CADPS2: variants seen among roughly 807,000 people sequenced by gnomAD.
The protein encoded by CADPS2 is calcium-dependent secretion activator 2.
Under a neutral mutation model 172.5 loss-of-function variants are expected in CADPS2, and 93 were observed. The ratio of observed to expected loss-of-function variants is 0.54; its 90% confidence interval spans 0.46 to 0.64. The LOEUF (loss-of-function observed/expected upper bound fraction) is 0.64, where lower values mean the gene tolerates loss of function less well. CADPS2 is among the 30% of genes least tolerant of loss of function. CADPS2 has a pLI of 0.00. For missense variants in CADPS2, 1,420 were observed against 1,565.9 expected (o/e 0.91, Z 1.57); for synonymous variants, 546 against 555.2 (o/e 0.98, Z 0.23).
At chr7:122,713,568 T>C (rs2089115264) in intron 2 of CADPS2, among the ~76,000 whole-genome samples, 1 of 152,032 alleles carries the variant, frequency 6.6e-6, no homozygotes, top group Non-Finnish European at 1.5e-5. Flanking sequence ...CCATGATCTG[T>C]AACCATTTTT....
chr7:122,721,618 G>A lies in CADPS2; in HGVS notation c.453+15337C>T, dbSNP rs572130798. On this transcript the variant is annotated intron_variant, in intron 2 of 29. Transcript: ENST00000449022. ...CGAATTCTACCAGAGGTACAAGGAGGAGCTGGTACCATTCCTTCCGAAACT... is the reference window on the plus strand; with the variant it reads ...CGAATTCTACCAGAGGTACAAGGAGAAGCTGGTACCATTCCTTCCGAAACT... Among the ~76,000 whole-genome samples, 313 of 152,234 alleles carry A rather than the reference G, an allele frequency of 2.1e-3. 2 individuals are homozygous for A. The highest frequency in any genetic ancestry group is 1.8e-3 in the Non-Finnish European group (125 of 68,012).
chr7:122,500,828 T>A (rs1386571552), intron 9 of CADPS2, among the ~76,000 whole-genome samples: 1 of 152,208 alleles, frequency 6.6e-6, no homozygotes, highest in African/African-American at 2.4e-5. Context: ...GCAAGATATT[T>A]TTATATTTTA....
intron 7 of CADPS2, among the ~76,000 whole-genome samples, chr7:122,556,347 T>C (rs2065026517): frequency 6.6e-6 from 1 of 152,136 alleles, no homozygotes; most frequent in South Asian, 2.1e-4. Context: ...CTATAGCTGC[T>C]ATTTTCCTAA....
intron 28 of CADPS2, among the ~76,000 whole-genome samples, chr7:122,333,624 T>C (rs1041259506): frequency 6.6e-6 from 1 of 152,220 alleles, no homozygotes; most frequent in Admixed American, 6.5e-5. Context: ...TCATTCATTA[T>C]CTCTGCTTCT....
intron 20 of CADPS2, among the ~76,000 whole-genome samples, chr7:122,407,308 G>C (rs564548690): frequency 1.3e-5 from 2 of 152,166 alleles, no homozygotes; most frequent in Admixed American, 6.5e-5. Flanking sequence ...TCAGACTTCA[G>C]TGAAGGTAGG....
intron 14 of CADPS2, among the ~76,000 whole-genome samples, chr7:122,460,474 G>A (rs2054310113): frequency 6.6e-6 from 1 of 151,970 alleles, no homozygotes; most frequent in South Asian, 2.1e-4. Flanking sequence ...TATAGTATCA[G>A]TGAAAGGATA....
At chr7:122,608,589 C>G (rs2073894821) in intron 6 of CADPS2, among the ~76,000 whole-genome samples, 1 of 152,136 alleles carries the variant, frequency 6.6e-6, no homozygotes, top group Non-Finnish European at 1.5e-5. Flanking sequence ...GATGCTCTAT[C>G]ATAATATCCA....
At chr7:122,587,540 T>C (rs1449972308) in intron 6 of CADPS2, among the ~76,000 whole-genome samples, 1 of 152,068 alleles carries the variant, frequency 6.6e-6, no homozygotes, top group African/African-American at 2.4e-5. Flanking sequence ...GTTGATTCCC[T>C]ATCTTTGCTG....
At chr7:122,674,190 G>A (rs1005188336) in intron 2 of CADPS2, among the ~76,000 whole-genome samples, 1 of 152,020 alleles carries the variant, frequency 6.6e-6, no homozygotes, top group Non-Finnish European at 1.5e-5. Context: ...GCACAGCCCC[G>A]GGTCCCCGCC....
chr7:122,375,885 A>T (rs1256264606), intron 25 of CADPS2, among the ~76,000 whole-genome samples: 1 of 150,022 alleles, frequency 6.7e-6, no homozygotes, highest in Non-Finnish European at 1.5e-5. Flanking sequence ...GACATCTAAA[A>T]CTCAATAGCC....
chr7:122,493,753 G>A (rs894286551), intron 9 of CADPS2, among the ~76,000 whole-genome samples: 7 of 148,944 alleles, frequency 4.7e-5, no homozygotes, highest in Non-Finnish European at 7.4e-5. Flanking sequence ...ATTTTGATGA[G>A]TGGGAAATAC....
chr7:122,531,521 G>C (rs1460527226), intron 8 of CADPS2, among the ~76,000 whole-genome samples: 3 of 152,134 alleles, frequency 2.0e-5, no homozygotes, highest in Non-Finnish European at 2.9e-5. Flanking sequence ...ATTAAAAAGA[G>C]AATGAGTAGA....
intron 12 of CADPS2, among the ~76,000 whole-genome samples, chr7:122,475,167 A>G (rs191522383): frequency 3.9e-4 from 60 of 152,308 alleles, no homozygotes; most frequent in Admixed American, 2.0e-3. Flanking sequence ...ACGCCTGTAG[A>G]CCCTGCGGGT....
At chr7:122,598,704 C>T (rs1171927517) in intron 6 of CADPS2, among the ~76,000 whole-genome samples, 1 of 151,940 alleles carries the variant, frequency 6.6e-6, no homozygotes, top group African/African-American at 2.4e-5. Context: ...CAGTGTCCTC[C>T]CTATAGAAGC....
chr7:122,527,354 G>C (rs1394063920), intron 8 of CADPS2, among the ~76,000 whole-genome samples: 2 of 149,900 alleles, frequency 1.3e-5, no homozygotes, highest in African/African-American at 4.9e-5. Flanking sequence ...AAATGGAACA[G>C]AATATATTAT....
At chr7:122,818,477 G>A (rs1470981101) in intron 1 of CADPS2, among the ~76,000 whole-genome samples, 36 of 152,006 alleles carry the variant, frequency 2.4e-4, no homozygotes, top group Admixed American at 2.1e-3. Context: ...AGTGCAACTC[G>A]TCCCAAATCT....
chr7:122,414,168 C>A, intron 18 of CADPS2, 92 bp from the exon 19 acceptor site: 1 of 865,540 alleles, frequency 1.2e-6, no homozygotes, highest in Non-Finnish European at 1.7e-6. Flanking sequence ...CATAATAGTC[C>A]TATATTTCAG....
intron 1 of CADPS2, among the ~76,000 whole-genome samples, chr7:122,829,595 C>T (rs1805895616): frequency 6.6e-6 from 1 of 152,042 alleles, no homozygotes; most frequent in Non-Finnish European, 1.5e-5. Context: ...AAAATGCATA[C>T]AAAAAGCTTG....
chr7:122,436,753 A>T (rs1328420190), intron 17 of CADPS2, among the ~76,000 whole-genome samples: 1 of 152,064 alleles, frequency 6.6e-6, no homozygotes, highest in Non-Finnish European at 1.5e-5. Flanking sequence ...CTCACTGTCC[A>T]TTGGGTACTA....
Sources: allele counts gnomAD v4.1 joint callset (sites outside exome capture counted in the v4.1 genomes callset), GRCh38; gene constraint gnomAD v4.1.1; transcripts MANE v1.5; gene names NCBI Gene and HGNC (gene_info 2026-07-23, HGNC 2026-07-21).